The following PLCH1 variants were observed in gnomAD, a reference collection of about 807,000 sequenced individuals.
The protein encoded by PLCH1 is 1-phosphatidylinositol 4,5-bisphosphate phosphodiesterase eta-1.
In PLCH1, 60 loss-of-function variants were observed where a neutral mutation model predicts 126.7. The observed-to-expected ratio is 0.47, with a 90% CI of 0.38 to 0.59. The LOEUF (loss-of-function observed/expected upper bound fraction) is 0.59, where lower values mean the gene tolerates loss of function less well. Ranked by LOEUF, PLCH1 falls within the 20% of genes least tolerant of loss-of-function variation. The pLI is 0.00. For missense variants in PLCH1, 1,723 were observed against 2,040.0 expected, an observed-to-expected ratio of 0.84 and a Z score of 2.99; for synonymous variants, 719 against 734.9, an observed-to-expected ratio of 0.98 and a Z score of 0.35.
intron 1 of PLCH1, among the ~76,000 whole-genome samples, chr3:155,741,682 C>CTTTTTTTT (rs1491132149): frequency 1.2e-5 from 1 of 83,084 alleles, no homozygotes; most frequent in Non-Finnish European, 2.0e-5. Flanking sequence ...ATTTTATATC[C>CTTTTTTTT]TCTTTTTTTT....
chr3:155,451,567 T>G (rs1332313322), intron 21 of PLCH1, among the ~76,000 whole-genome samples: 4 of 152,196 alleles, frequency 2.6e-5, no homozygotes, highest in Non-Finnish European at 5.9e-5. Context: ...GGTTAACATT[T>G]GAATTAGTAA....
chr3:155,524,120 C>A, intron 10 of PLCH1, 116 bp from the exon 11 acceptor site: 1 of 711,678 alleles, frequency 1.4e-6, no homozygotes, highest in Non-Finnish European at 2.5e-6. Flanking sequence ...CGTGTATGTA[C>A]ATACAATGGA....
chr3:155,732,104 A>C (rs575235327), intron 1 of PLCH1, among the ~76,000 whole-genome samples: 3 of 152,094 alleles, frequency 2.0e-5, no homozygotes, highest in Non-Finnish European at 4.4e-5. Context: ...CAAAGAATAC[A>C]TTATCAATGT....
At chr3:155,706,585 A>C (rs1746688596) in intron 1 of PLCH1, among the ~76,000 whole-genome samples, 1 of 150,038 alleles carries the variant, frequency 6.7e-6, no homozygotes, top group African/African-American at 2.5e-5. Context: ...CTGCCACTGC[A>C]CTCCGGCCTG....
chr3:155,485,259 A>T, intron 22 of PLCH1, 97 bp downstream of exon 22: 1 of 728,664 alleles, frequency 1.4e-6, no homozygotes, highest in Non-Finnish European at 2.3e-6. Flanking sequence ...AGTATATTTT[A>T]CTTTGACTAC....
intron 1 of PLCH1, among the ~76,000 whole-genome samples, chr3:155,734,877 T>A (rs1447027772): frequency 1.3e-5 from 2 of 151,874 alleles, no homozygotes; most frequent in African/African-American, 4.8e-5. Context: ...CCCGGCTAAT[T>A]TTTTTGTATT....
chr3:155,631,087 A>T (rs1260263858), intron 2 of PLCH1, among the ~76,000 whole-genome samples: 1 of 152,222 alleles, frequency 6.6e-6, no homozygotes, highest in Non-Finnish European at 1.5e-5. Flanking sequence ...ATTTATTATT[A>T]AAAATCAAAC....
Position 155,621,754 on chromosome 3 carries a change from G to C in PLCH1, c.80-25376C>G, listed in dbSNP as rs866816101. ...ACAAACAAAGCCTCCAAGAAATACGGGACTATGTAAAAAGACCAAATCTAT... is the reference window on the plus strand; with the variant it reads ...ACAAACAAAGCCTCCAAGAAATACGCGACTATGTAAAAAGACCAAATCTAT... On this transcript the variant is annotated intron_variant, in intron 2 of 22. Transcript: ENST00000460012. Among the ~76,000 whole-genome samples, 12 of 152,220 alleles carry C rather than the reference G, an allele frequency of 7.9e-5. No individual in the cohort carries two copies. In the Middle Eastern group the frequency reaches 0.024, roughly 302 times the overall value.
At chr3:155,472,611 C>A (rs1225916673) in intron 21 of PLCH1, among the ~76,000 whole-genome samples, 2 of 151,850 alleles carry the variant, frequency 1.3e-5, no homozygotes, top group African/African-American at 4.8e-5. Context: ...CAAAGCCGGG[C>A]AGAGACAAAA....
chr3:155,710,892 A>C (rs1057277500), intron 1 of PLCH1, among the ~76,000 whole-genome samples: 1 of 151,744 alleles, frequency 6.6e-6, no homozygotes, highest in Non-Finnish European at 1.5e-5. Flanking sequence ...CTTGAAAAGC[A>C]TAGAAAAAAC....
intron 2 of PLCH1, among the ~76,000 whole-genome samples, chr3:155,683,447 C>T (rs1481573831): frequency 6.6e-6 from 1 of 152,130 alleles, no homozygotes; most frequent in Admixed American, 6.5e-5. Context: ...ACCAAGACCT[C>T]GTGGGCAAGA....
chr3:155,535,815 T>A (rs1248744632), intron 10 of PLCH1, among the ~76,000 whole-genome samples: 1 of 152,080 alleles, frequency 6.6e-6, no homozygotes, highest in African/African-American at 2.4e-5. Flanking sequence ...CAGCTGATGA[T>A]CTCTTAAAAG....
chr3:155,555,915 G>A (rs905320134), intron 8 of PLCH1, among the ~76,000 whole-genome samples: 1 of 152,166 alleles, frequency 6.6e-6, no homozygotes, highest in Non-Finnish European at 1.5e-5. Context: ...TGGGAAATGT[G>A]TGCCTGAATG....
chr3:155,514,825 C>T lies in PLCH1; in HGVS notation c.1530G>A (p.Leu510=). The change falls in exon 12 of 23, where the codon CTG becomes CTA. Residue 510 remains leucine, a synonymous_variant. Transcript: ENST00000460012. The part of the protein sequence containing the change: ...ESFIRKKLES[L]LKESQIRDKE... Reference sequence around the variant, plus strand: ...TATCTCGAATTTGAGATTCTTTTAACAGTGACTCCAGTTTTTTCCTTATGA... The same window carrying T: ...TATCTCGAATTTGAGATTCTTTTAATAGTGACTCCAGTTTTTTCCTTATGA... The T allele has an allele frequency of 1.2e-6, 2 of 1,612,454 alleles. No individual in the cohort carries two copies. The highest frequency in any genetic ancestry group is 1.7e-6 in the Non-Finnish European group (2 of 1,178,664).
chr3:155,531,786 A>T (rs1722720824), intron 10 of PLCH1, among the ~76,000 whole-genome samples: 1 of 152,146 alleles, frequency 6.6e-6, no homozygotes, highest in Non-Finnish European at 1.5e-5. Context: ...TCATATACCA[A>T]ACTCTGCTAG....
intron 2 of PLCH1, among the ~76,000 whole-genome samples, chr3:155,638,738 T>C (rs1028593030): frequency 1.3e-5 from 2 of 152,260 alleles, no homozygotes; most frequent in African/African-American, 4.8e-5. Flanking sequence ...GTCAAACTCA[T>C]AATGTCATGC....
intron 12 of PLCH1, among the ~76,000 whole-genome samples, chr3:155,514,352 C>G (rs115962828): frequency 2.5e-3 from 375 of 152,252 alleles, no homozygotes; most frequent in African/African-American, 8.7e-3. Context: ...GAAGAGCCCT[C>G]AGCCCTGAAA....
chr3:155,485,689 T>C lies in PLCH1; in HGVS notation c.2641A>G (p.Lys881Glu). 1.2e-6 allele frequency: 2 copies of C among 1,600,570 alleles called. No homozygotes were observed. Among genetic ancestry groups the C allele is most frequent in the Middle Eastern group, 3.3e-4 (2 of 6,046 alleles). Reference sequence around the variant, plus strand: ...CTAGGATTCTTATTGAACAGTCCCTTCAGACCCTGGAGTTGTCTGTTCTGA... The same window carrying C: ...CTAGGATTCTTATTGAACAGTCCCTCCAGACCCTGGAGTTGTCTGTTCTGA... The part of the protein sequence containing the change: ...YGKNRQLQGL[K>E]GLFNKNPRHS... The change falls in exon 22 of 23, where the codon AAG becomes GAG. Residue 881 changes from lysine to glutamate, a missense_variant. By Grantham distance (56) the Lys-to-Glu change is moderately conservative. This residue lies in a region of PLCH1 where 947 missense variants were observed against 977.1 expected (regional missense o/e 0.97). Transcript: ENST00000460012.
chr3:155,541,479 C>T (rs1351927297), intron 10 of PLCH1, among the ~76,000 whole-genome samples: 4 of 152,110 alleles, frequency 2.6e-5, no homozygotes, highest in Non-Finnish European at 4.4e-5. Context: ...GGCTTAATTT[C>T]CATACTGTTA....
Sources: allele counts gnomAD v4.1 joint callset (sites outside exome capture counted in the v4.1 genomes callset), GRCh38; gene constraint gnomAD v4.1.1; regional missense constraint gnomAD v4.1.1; transcripts MANE v1.5; gene names NCBI Gene and HGNC (gene_info 2026-07-23, HGNC 2026-07-21).